Variants in AGO1 observed in about 807,000 individuals in gnomAD.
AGO1 encodes the protein argonaute RISC component 1.
In AGO1, 11 loss-of-function variants were observed where a neutral mutation model predicts 109.2. That is an observed-to-expected ratio of 0.10 (90% CI 0.06 to 0.17). The LOEUF is 0.17. AGO1 is among the 10% of genes least tolerant of loss of function. AGO1 has a pLI of 1.00. For synonymous variants in AGO1, 422 were observed against 418.6 expected, an observed-to-expected ratio of 1.01 and a Z score of -0.10; for missense variants, 574 against 1,140.3, an observed-to-expected ratio of 0.50 and a Z score of 7.15.
chr1:35,894,437 G>A (rs1645280910), intron 7 of AGO1, 35 bp downstream of exon 7: 2 of 1,599,488 alleles, frequency 1.3e-6, no homozygotes, highest in African/African-American at 2.7e-5. Context: ...ATACTTTGTT[G>A]GTGGAGAAGG....
intron 12 of AGO1, among the ~76,000 whole-genome samples, chr1:35,911,779 T>C (rs1305731755): frequency 1.3e-5 from 2 of 152,182 alleles, no homozygotes; most frequent in Middle Eastern, 3.2e-3. Flanking sequence ...ACACTAATTT[T>C]TTTTTAATCT....
upstream of AGO1, among the ~76,000 whole-genome samples, chr1:35,879,734 CAAAA>C (rs71034705): frequency 4.7e-4 from 27 of 57,492 alleles, no homozygotes; most frequent in East Asian, 2.9e-3. Flanking sequence ...GGTTCTGTCT[CAAAA>C]AAAAAAAAAA....
At position 35,883,558 on chromosome 1, in the gene AGO1, C is replaced by A; in HGVS notation, c.25+112C>A. ...GCTCCTGAGTGAGGAGAAGGGCTCT[C>A]CCACGATGGGGGCCCAGTTTGAAGG... On this transcript the variant is annotated intron_variant, in intron 1 of 18. Transcript: ENST00000373204. This position sits in a 1 kb window ranked among gnomAD's most constrained non-coding sequence, Gnocchi z 5.4. 1 of 1,390,844 alleles carries A rather than the reference C, an allele frequency of 7.2e-7. No individual in the cohort carries two copies. Among genetic ancestry groups the A allele is most frequent in the South Asian group, 1.7e-5 (1 of 60,478 alleles). The allele number at this position is 1,390,844 out of a possible 1,614,324, so 86.2% of individuals were successfully genotyped here.
At chr1:35,876,642 T>G (rs1644995447) in intron 1 of AGO1, among the ~76,000 whole-genome samples, 1 of 152,212 alleles carries the variant, frequency 6.6e-6, no homozygotes, top group African/African-American at 2.4e-5. Context: ...GCTGTGAACA[T>G]TGTTGAAATG....
chr1:35,889,490 G>A (rs148048911), intron 2 of AGO1, among the ~76,000 whole-genome samples: 54 of 151,978 alleles, frequency 3.6e-4, no homozygotes, highest in African/African-American at 1.2e-3. Flanking sequence ...GGGATTACAG[G>A]CGTGAGCCAC....
chr1:35,876,720 A>G (rs1162633909), intron 1 of AGO1, among the ~76,000 whole-genome samples: 1 of 152,110 alleles, frequency 6.6e-6, no homozygotes, highest in Non-Finnish European at 1.5e-5. Flanking sequence ...GAGAGGATTG[A>G]CTCCAATTTT....
At chr1:35,874,695 C>T (rs1309750687) in intron 1 of AGO1, among the ~76,000 whole-genome samples, 1 of 152,194 alleles carries the variant, frequency 6.6e-6, no homozygotes, top group African/African-American at 2.4e-5. Flanking sequence ...ATATAGAAAG[C>T]TGAGAAGGCC....
At chr1:35,902,134 G>T in intron 10 of AGO1, 64 bp downstream of exon 10, 1 of 1,588,046 alleles carries the variant, frequency 6.3e-7, no homozygotes, top group African/African-American at 1.3e-5. Context: ...TGTATAGCCA[G>T]GGGCTTTTGC....
chr1:35,899,857 T>C (rs1645384128), intron 8 of AGO1, among the ~76,000 whole-genome samples: 1 of 152,164 alleles, frequency 6.6e-6, no homozygotes, highest in South Asian at 2.1e-4. Context: ...TTTTTTCTCA[T>C]GTTTGAGATT....
chr1:35,919,531 A>G lies in AGO1; in HGVS notation c.2498A>G (p.Asn833Ser). Residue 833 changes from asparagine (N) to serine (S), a missense_variant, in exon 19 of 19, where the codon AAT (asparagine) becomes AGT (serine). Physicochemically the swap from Asn to Ser is conservative, Grantham distance 46. Transcript: ENST00000373204. The surrounding 1 kb of genome is among the most constrained non-coding windows in gnomAD (Gnocchi z 6.6). ...GEGSHISGQS[N>S]GRDPQALAKA... Reference sequence around the variant, plus strand: ...GGGAGCCACATATCGGGGCAGAGCAATGGGCGGGACCCCCAGGCCCTGGCC... The same window carrying G: ...GGGAGCCACATATCGGGGCAGAGCAGTGGGCGGGACCCCCAGGCCCTGGCC... 6.2e-7 allele frequency: 1 copy of G among 1,614,120 alleles called. No homozygotes were observed. The highest frequency in any genetic ancestry group is 8.5e-7 in the Non-Finnish European group (1 of 1,180,000).
chr1:35,902,177 C>G (rs373863365), intron 10 of AGO1, 27 bp from the exon 11 acceptor site: 4 of 1,607,282 alleles, frequency 2.5e-6, no homozygotes, highest in Admixed American at 3.4e-5. Context: ...TGAGGCTCAC[C>G]TAGGCGCCCC....
chr1:35,916,694 G>T (rs1645742207), intron 15 of AGO1, among the ~76,000 whole-genome samples: 1 of 152,212 alleles, frequency 6.6e-6, no homozygotes, highest in Admixed American at 6.5e-5. Flanking sequence ...AAGTCATCCA[G>T]TATTTTCTAA....
At chr1:35,894,605 T>G (rs536060578) in intron 7 of AGO1, among the ~76,000 whole-genome samples, 1 of 152,310 alleles carries the variant, frequency 6.6e-6, no homozygotes, top group South Asian at 2.1e-4. Context: ...ATTTTTACCT[T>G]CTTGATCTCC....
chr1:35,870,262 A>G (rs969346383), intron 1 of AGO1, among the ~76,000 whole-genome samples: 1 of 151,924 alleles, frequency 6.6e-6, no homozygotes, highest in Non-Finnish European at 1.5e-5. Context: ...AAAGAAAAAT[A>G]ATATAACATT....
At chr1:35,914,740 A>G (rs887332484) in intron 14 of AGO1, among the ~76,000 whole-genome samples, 1 of 152,146 alleles carries the variant, frequency 6.6e-6, no homozygotes, top group African/African-American at 2.4e-5. Context: ...TAGGGATTAG[A>G]CCTTCTTTCC....
At position 35,927,388 on chromosome 1, in the gene AGO1, T is replaced by C. The variant is rs1440347734; in HGVS notation, c.*7781T>C. ...ACCAAAGACTCAGTTTCTTGAAATT[T>C]TTTTGCTCTGCCATCCTCCATGTTT... On this transcript the variant is annotated 3_prime_UTR_variant, in exon 19 of 19. Coordinates refer to ENST00000373204, the MANE Select transcript of AGO1 (RefSeq NM_012199.5). 6.6e-6 allele frequency: 1 copy of C among 152,180 alleles called. No individual in the cohort carries two copies. The highest frequency in any genetic ancestry group is 1.9e-4 in the East Asian group (1 of 5,190). 9.4% of individuals were successfully genotyped at this position (152,180 alleles called of 1,614,324 possible). A position where few individuals can be genotyped will look rare whatever the true frequency, so the allele number is the denominator to read the frequency against.
At chr1:35,882,620 G>C (rs1174456452), upstream of AGO1, among the ~76,000 whole-genome samples, 1 of 152,188 alleles carries the variant, frequency 6.6e-6, no homozygotes, top group African/African-American at 2.4e-5. This position sits in a 1 kb window ranked among gnomAD's most constrained non-coding sequence, Gnocchi z 5.1. Flanking sequence ...AGGTCCGGCG[G>C]ATAGAGCTCT....
chr1:35,922,383 A>G lies in AGO1; in HGVS notation c.*2776A>G, dbSNP rs1645848359. The G allele has an allele frequency of 6.6e-6, 1 of 152,234 alleles. No individual in the cohort carries two copies. The allele number at this position is 152,234 out of a possible 1,614,324, so 9.4% of individuals were successfully genotyped here. A position where few individuals can be genotyped will look rare whatever the true frequency, so the allele number is the denominator to read the frequency against. Reference sequence around the variant, plus strand: ...GAAAGGTGGTGCATGCAGATGGAGAAGTGGTGTTGGCAGCAAGCTTTGGCT... The same window carrying G: ...GAAAGGTGGTGCATGCAGATGGAGAGGTGGTGTTGGCAGCAAGCTTTGGCT... On this transcript the variant is annotated 3_prime_UTR_variant, in exon 19 of 19. Coordinates refer to ENST00000373204, the MANE Select transcript of AGO1 (RefSeq NM_012199.5).
intron 12 of AGO1, among the ~76,000 whole-genome samples, chr1:35,908,876 T>TG (rs1417514107): frequency 2.7e-5 from 4 of 149,908 alleles, no homozygotes; most frequent in African/African-American, 9.9e-5. Flanking sequence ...TGGAGTGCAG[T>TG]GGCGTGATCT....
Sources: allele counts gnomAD v4.1 joint callset (sites outside exome capture counted in the v4.1 genomes callset), GRCh38; gene constraint gnomAD v4.1.1; non-coding constraint Gnocchi (gnomAD v3.1); transcripts MANE v1.5; gene names NCBI Gene and HGNC (gene_info 2026-07-23, HGNC 2026-07-21).